PTPRD: variants seen among roughly 807,000 people sequenced by gnomAD.
The protein encoded by PTPRD is receptor-type tyrosine-protein phosphatase delta.
A neutral mutation model predicts 214.5 loss-of-function variants in PTPRD; 34 were observed. The observed-to-expected ratio is 0.16, with a 90% CI of 0.12 to 0.21. PTPRD has a LOEUF of 0.21. PTPRD is among the 10% of genes least tolerant of loss of function. The probability of loss-of-function intolerance (pLI) is 1.00; values close to 1 mark genes in which losing one functional copy is unlikely to be tolerated. For synonymous variants in PTPRD, 1,128 were observed against 845.7 expected (o/e 1.33, Z -5.79); for missense variants, 2,545 against 2,398.7 (o/e 1.06, Z -1.27).
intron 8 of PTPRD, among the ~76,000 whole-genome samples, chr9:9,516,338 C>A (rs2096837775): frequency 2.6e-5 from 4 of 151,942 alleles, no homozygotes. Flanking sequence ...AGAAAATTAT[C>A]CATAACTCTA....
At chr9:9,558,330 A>G (rs911407678) in intron 8 of PTPRD, among the ~76,000 whole-genome samples, 1 of 152,168 alleles carries the variant, frequency 6.6e-6, no homozygotes, top group Non-Finnish European at 1.5e-5. Flanking sequence ...CTGTGCTCTA[A>G]ACTCACTGAG....
intron 8 of PTPRD, among the ~76,000 whole-genome samples, chr9:9,535,344 T>C (rs1237159899): frequency 6.6e-6 from 1 of 152,124 alleles, no homozygotes; most frequent in Non-Finnish European, 1.5e-5. Flanking sequence ...CCAAAAGTGT[T>C]AAACTTGATC....
At chr9:8,585,534 C>T (rs1407292923) in intron 14 of PTPRD, among the ~76,000 whole-genome samples, 1 of 152,168 alleles carries the variant, frequency 6.6e-6, no homozygotes, top group Non-Finnish European at 1.5e-5. Flanking sequence ...GATTTAATTT[C>T]ATTTGGGTCA....
intron 9 of PTPRD, among the ~76,000 whole-genome samples, chr9:9,209,518 G>A (rs963888915): frequency 5.3e-5 from 8 of 152,088 alleles, no homozygotes; most frequent in African/African-American, 1.9e-4. Flanking sequence ...GTGTATTAAC[G>A]GTATTGTGGC....
chr9:9,979,678 G>T (rs1032948751), intron 4 of PTPRD, among the ~76,000 whole-genome samples: 39 of 152,046 alleles, frequency 2.6e-4, no homozygotes, highest in African/African-American at 8.9e-4. Context: ...TATTAACAAA[G>T]AATAATTTAT....
chr9:8,923,375 C>G (rs567399677), intron 11 of PTPRD, among the ~76,000 whole-genome samples: 1 of 152,048 alleles, frequency 6.6e-6, no homozygotes, highest in South Asian at 2.1e-4. Flanking sequence ...AGAAGTTACT[C>G]AGCACCGAGA....
chr9:8,998,700 A>T lies in PTPRD; in HGVS notation c.-104+19997T>A, dbSNP rs185224706. On this transcript the variant is annotated intron_variant, in intron 11 of 45. Transcript: ENST00000381196. ...TTTTATAAGGCTAGAGCTGCTATGG[A>T]TAGTGATTCCTCTGATGGATCTGAG... is the stretch of plus-strand genomic sequence containing the variant. Among the ~76,000 whole-genome samples the T allele has an allele frequency of 3.4e-4, 52 of 152,226 alleles. 1 individual carries two copies. The highest frequency in any genetic ancestry group is 1.1e-3 in the African/African-American group (47 of 41,574).
At chr9:8,696,511 G>C (rs541353948) in intron 12 of PTPRD, among the ~76,000 whole-genome samples, 1 of 152,126 alleles carries the variant, frequency 6.6e-6, no homozygotes, top group Non-Finnish European at 1.5e-5. Context: ...GATAAACTTG[G>C]TGATTAGCAG....
intron 12 of PTPRD, among the ~76,000 whole-genome samples, chr9:8,660,897 TA>T (rs2097030251): frequency 6.6e-6 from 1 of 152,062 alleles, no homozygotes; most frequent in Non-Finnish European, 1.5e-5. Context: ...TATGACTCCC[TA>T]AAAACTAACC....
chr9:10,146,585 G>A (rs17693050), intron 3 of PTPRD, among the ~76,000 whole-genome samples: 2 of 152,080 alleles, frequency 1.3e-5, no homozygotes, highest in African/African-American at 4.8e-5. Flanking sequence ...AAATAGTCTT[G>A]AAAGCTAGAA....
intron 11 of PTPRD, among the ~76,000 whole-genome samples, chr9:8,935,917 G>A (rs2098993684): frequency 6.6e-6 from 1 of 152,036 alleles, no homozygotes; most frequent in African/African-American, 2.4e-5. Flanking sequence ...AAATATTGCT[G>A]GAAGTCCCAT....
At chr9:10,117,168 G>C (rs970542067) in intron 3 of PTPRD, among the ~76,000 whole-genome samples, 7 of 151,832 alleles carry the variant, frequency 4.6e-5, no homozygotes, top group African/African-American at 1.7e-4. Context: ...ATAAACATTT[G>C]TGCAACAAAA....
intron 11 of PTPRD, among the ~76,000 whole-genome samples, chr9:8,994,245 G>A (rs898773241): frequency 1.5e-4 from 23 of 152,092 alleles, no homozygotes; most frequent in African/African-American, 5.6e-4. Flanking sequence ...CATTCGTACT[G>A]AAATTCTACC....
chr9:9,942,569 T>C (rs2091759787), intron 4 of PTPRD, among the ~76,000 whole-genome samples: 1 of 152,128 alleles, frequency 6.6e-6, no homozygotes, highest in South Asian at 2.1e-4. Flanking sequence ...TAGTGCCCAA[T>C]TTCCTTCCTT....
chr9:10,444,241 C>T (rs1276172054), intron 2 of PTPRD, among the ~76,000 whole-genome samples: 1 of 151,672 alleles, frequency 6.6e-6, no homozygotes, highest in African/African-American at 2.4e-5. Context: ...ATATTTTATT[C>T]TATGATGTTT....
At chr9:8,697,441 G>A (rs965046357) in intron 12 of PTPRD, among the ~76,000 whole-genome samples, 1 of 15,176 alleles carries the variant, frequency 6.6e-5, no homozygotes, top group Admixed American at 6.9e-4. Context: ...TTTTTTTTTT[G>A]AGACAGAATT....
intron 14 of PTPRD, among the ~76,000 whole-genome samples, chr9:8,591,405 C>A (rs957030652): frequency 3.9e-5 from 6 of 152,170 alleles, no homozygotes; most frequent in African/African-American, 1.4e-4. Context: ...ATCTGACACT[C>A]TTCTGTTGGG....
intron 3 of PTPRD, among the ~76,000 whole-genome samples, chr9:10,082,812 TACACACACACAC>T (rs776251264): frequency 1.4e-5 from 2 of 138,592 alleles, no homozygotes; most frequent in Admixed American, 1.5e-4. Flanking sequence ...CTACTCCTCC[TACACACACACAC>T]ACACACACAC....
chr9:10,377,863 C>T (rs537757665), intron 2 of PTPRD, among the ~76,000 whole-genome samples: 1 of 152,050 alleles, frequency 6.6e-6, no homozygotes, highest in Non-Finnish European at 1.5e-5. Flanking sequence ...AGTGCTGCAA[C>T]AAACATGGAA....
Sources: gnomAD v4.1 joint callset for allele counts (sites outside exome capture counted in the v4.1 genomes callset) on GRCh38, gnomAD v4.1.1 for gene constraint, MANE v1.5 for transcripts, NCBI Gene and HGNC (gene_info 2026-07-23, HGNC 2026-07-21) for gene names.